Variants in PCDH9 observed in about 807,000 individuals in gnomAD.
PCDH9 encodes protocadherin-9.
A neutral mutation model predicts 70.6 loss-of-function variants in PCDH9; 24 were observed. The ratio of observed to expected loss-of-function variants is 0.34; its 90% CI spans 0.25 to 0.48. The LOEUF is 0.48. Ranked by LOEUF, PCDH9 falls within the 20% of genes least tolerant of loss-of-function variation. The probability of loss-of-function intolerance (pLI) is 0.99; values close to 1 mark genes in which losing one functional copy is unlikely to be tolerated. For synonymous variants in PCDH9, 562 were observed against 558.5 expected (o/e 1.01, Z -0.09); for missense variants, 1,281 against 1,503.6 (o/e 0.85, Z 2.45).
rs1462326175 is a variant in PCDH9 at position 66,634,988 on chromosome 13, A to G, written c.3139-3577T>C. On this transcript the variant is annotated intron_variant, in intron 3 of 4. Coordinates refer to ENST00000377865, the MANE Select transcript of PCDH9 (RefSeq NM_203487.3). ...TGGAGAAAGTGAAGAGTTGCCCATT[A>G]TCCTTCCAGTACATATATAATGGTA... is the stretch of plus-strand genomic sequence containing the variant. Among the ~76,000 whole-genome samples the G allele has an allele frequency of 3.9e-5, 6 of 152,168 alleles. No homozygotes were observed. The East Asian group carries it at 1.2e-3, about 29-fold the overall frequency.
At chr13:67,078,474 T>C (rs568975479) in intron 2 of PCDH9, among the ~76,000 whole-genome samples, 1 of 152,280 alleles carries the variant, frequency 6.6e-6, no homozygotes, top group Non-Finnish European at 1.5e-5. Context: ...GGATTCAAAC[T>C]GACACACAGT....
At chr13:66,511,560 TG>T (rs1959474438) in intron 4 of PCDH9, among the ~76,000 whole-genome samples, 1 of 152,088 alleles carries the variant, frequency 6.6e-6, no homozygotes. Flanking sequence ...TGATCTAGTG[TG>T]GATGTTTTTC....
At chr13:66,430,658 T>A (rs891111706) in intron 4 of PCDH9, among the ~76,000 whole-genome samples, 3 of 152,048 alleles carry the variant, frequency 2.0e-5, no homozygotes, top group Non-Finnish European at 2.9e-5. Flanking sequence ...AACCTGCTAT[T>A]CACTCTGGGA....
chr13:66,812,705 G>A (rs1246069260), intron 3 of PCDH9, among the ~76,000 whole-genome samples: 2 of 152,116 alleles, frequency 1.3e-5, no homozygotes, highest in African/African-American at 2.4e-5. Context: ...TACATAACAA[G>A]GACTAATCTT....
At position 66,488,460 on chromosome 13, in the gene PCDH9, A is replaced by G. The variant is rs549740690; in HGVS notation, c.3340+142750T>C. On this transcript the variant is annotated intron_variant, in intron 4 of 4. Transcript: ENST00000377865. ...AAGCCCAGGGAAAAAACCAAACAAC[A>G]TATTATTTTTAAAAAGTGATAAATC... Among the ~76,000 whole-genome samples the G allele has an allele frequency of 2.6e-5, 4 of 152,304 alleles. No individual in the cohort carries two copies. In the South Asian group the frequency reaches 8.3e-4, roughly 32 times the overall value.
intron 2 of PCDH9, among the ~76,000 whole-genome samples, chr13:66,965,043 T>C (rs1023581649): frequency 7.2e-5 from 11 of 152,010 alleles, no homozygotes; most frequent in Non-Finnish European, 1.5e-4. Context: ...ATGAATAAAG[T>C]ATTTAAAATT....
chr13:66,455,810 A>G (rs1201862543), intron 4 of PCDH9, among the ~76,000 whole-genome samples: 3 of 152,150 alleles, frequency 2.0e-5, no homozygotes, highest in African/African-American at 7.2e-5. Context: ...GTAAGTAAAA[A>G]TATCCAGCCA....
chr13:67,059,370 G>GTATA lies in PCDH9; in HGVS notation c.3037-155769_3037-155766dup, dbSNP rs71110625. Among the ~76,000 whole-genome samples, 148 of 140,882 alleles carry GTATA rather than the reference G, an allele frequency of 1.1e-3. 1 individual carries two copies. In the East Asian group the frequency reaches 0.017, roughly 17 times the overall value. The allele number at this position is 140,882 out of a possible 152,430, so 92.4% of individuals were successfully genotyped here. A position where few individuals can be genotyped will look rare whatever the true frequency, so the allele number is the denominator to read the frequency against. On this transcript the variant is annotated intron_variant, in intron 2 of 4. Transcript: ENST00000377865. ...TATATATATTATATATATATAGTGTGTATATATATATATAGTATATAGTAT... is the reference window on the plus strand; with the variant it reads ...TATATATATTATATATATATAGTGTGTATATATATATATATATAGTATATAGTAT...
At chr13:66,762,372 T>C (rs909591249) in intron 3 of PCDH9, among the ~76,000 whole-genome samples, 2 of 152,044 alleles carry the variant, frequency 1.3e-5, no homozygotes, top group Admixed American at 6.6e-5. Flanking sequence ...CCAGCCTGAA[T>C]TCAGAGTCCA....
intron 4 of PCDH9, among the ~76,000 whole-genome samples, chr13:66,561,138 T>G (rs1211819233): frequency 6.6e-6 from 1 of 152,212 alleles, no homozygotes; most frequent in Non-Finnish European, 1.5e-5. Flanking sequence ...GGCCGTGTGC[T>G]GGGCAGGCCC....
At position 66,660,259 on chromosome 13, in the gene PCDH9, G is replaced by C. The variant is rs183260026; in HGVS notation, c.3139-28848C>G. On this transcript the variant is annotated intron_variant, in intron 3 of 4. Transcript: ENST00000377865. The stretch of plus-strand genomic sequence containing the variant: ...TCATTCACTTGCAGAAGCAAGAGCT[G>C]TTCTGACTACTCACAGTATATGGTG... Among the ~76,000 whole-genome samples the C allele has an allele frequency of 4.6e-5, 7 of 152,306 alleles. No homozygotes were observed. In the East Asian group the frequency reaches 1.2e-3, roughly 25 times the overall value.
chr13:66,405,916 A>C (rs1957272339), intron 4 of PCDH9, among the ~76,000 whole-genome samples: 1 of 58,144 alleles, frequency 1.7e-5, no homozygotes, highest in Non-Finnish European at 3.7e-5. Flanking sequence ...AATTACATGG[A>C]GACATTATGT....
chr13:67,081,261 G>A (rs576448676), intron 2 of PCDH9, among the ~76,000 whole-genome samples: 1 of 152,196 alleles, frequency 6.6e-6, no homozygotes, highest in South Asian at 2.1e-4. Context: ...ATTTTGGCTT[G>A]TTTTGTTTTG....
chr13:66,930,955 C>T (rs1042578186), intron 2 of PCDH9, among the ~76,000 whole-genome samples: 1 of 152,110 alleles, frequency 6.6e-6, no homozygotes, highest in Admixed American at 6.6e-5. Context: ...TTTTAAGGTT[C>T]TCATAAAAAT....
At chr13:66,971,507 A>T (rs1269895087) in intron 2 of PCDH9, among the ~76,000 whole-genome samples, 1 of 152,052 alleles carries the variant, frequency 6.6e-6, no homozygotes, top group East Asian at 1.9e-4. Context: ...TTGAAAAGGA[A>T]CCACAATATA....
At chr13:66,997,480 T>C (rs1331518547) in intron 2 of PCDH9, among the ~76,000 whole-genome samples, 1 of 151,470 alleles carries the variant, frequency 6.6e-6, no homozygotes, top group Non-Finnish European at 1.5e-5. Context: ...CACCACCCAT[T>C]AGGCTCGTCA....
At chr13:66,814,999 C>T (rs887511019) in intron 3 of PCDH9, among the ~76,000 whole-genome samples, 23 of 148,452 alleles carry the variant, frequency 1.5e-4, no homozygotes, top group African/African-American at 5.8e-4. Context: ...AAAATATTTG[C>T]AATCTACACA....
At chr13:67,219,772 C>A (rs1593642019) in intron 2 of PCDH9, 1 of 151,950 alleles carries the variant, frequency 6.6e-6, no homozygotes, top group Non-Finnish European at 1.5e-5. Context: ...TCTGCATTAA[C>A]TAATTTGTAC....
intron 4 of PCDH9, among the ~76,000 whole-genome samples, chr13:66,600,776 G>GTGTA (rs2077156681): frequency 1.4e-5 from 2 of 143,286 alleles, no homozygotes; most frequent in South Asian, 2.2e-4. Context: ...GTGTGTGTGT[G>GTGTA]TGTGTGTGTG....
Sources: gnomAD v4.1 joint callset for allele counts (sites outside exome capture counted in the v4.1 genomes callset) on GRCh38, gnomAD v4.1.1 for gene constraint, MANE v1.5 for transcripts, NCBI Gene and HGNC (gene_info 2026-07-23, HGNC 2026-07-21) for gene names.